The following SPMIP4 variants were observed in gnomAD, a reference collection of about 807,000 sequenced individuals.
SPMIP4 encodes sperm-associated microtubule inner protein 4.
At chr7:25,141,768 C>T in the SPMIP4 span, among the ~76,000 whole-genome samples, 2 of 151,878 alleles carry the variant, frequency 1.3e-5, no homozygotes, top group African/African-American at 2.4e-5. Context: ...GACGTAGTCT[C>T]GCTCTGTCGT....
chr7:25,158,577 T>A, the SPMIP4 span: 1 of 1,473,010 alleles, frequency 6.8e-7, no homozygotes, highest in Non-Finnish European at 9.5e-7. Context: ...TGAGGGCTTT[T>A]AAAGGTTTAT....
chr7:25,175,813 T>C, the SPMIP4 span, among the ~76,000 whole-genome samples: 1 of 152,216 alleles, frequency 6.6e-6, no homozygotes, highest in African/African-American at 2.4e-5. Flanking sequence ...GGCTCAGCAA[T>C]GATAGAACAG....
At chr7:25,173,898 C>A in the SPMIP4 span, among the ~76,000 whole-genome samples, 1 of 152,164 alleles carries the variant, frequency 6.6e-6, no homozygotes, top group Non-Finnish European at 1.5e-5. The surrounding 1 kb of genome is among the most constrained non-coding windows in gnomAD (Gnocchi z 4.4). Context: ...AAAGACAATG[C>A]ATAAATAAGT....
the SPMIP4 span, among the ~76,000 whole-genome samples, chr7:25,162,303 A>T: frequency 9.5e-4 from 144 of 151,388 alleles, 1 homozygote; most frequent in African/African-American, 3.2e-3. Flanking sequence ...AAAAAAATAA[A>T]AAATAAAAAA....
chr7:25,158,394 G>A, the SPMIP4 span: 15 of 501,348 alleles, frequency 3.0e-5, no homozygotes, highest in South Asian at 7.4e-5. Flanking sequence ...AAAAAGAAAC[G>A]TTTTCATGGG....
the SPMIP4 span, among the ~76,000 whole-genome samples, chr7:25,128,669 G>C: frequency 1.3e-5 from 2 of 152,168 alleles, no homozygotes; most frequent in Non-Finnish European, 2.9e-5. This position sits in a 1 kb window ranked among gnomAD's most constrained non-coding sequence, Gnocchi z 4.5. Flanking sequence ...GGGACTCCAG[G>C]AGCCTGCTTG....
At chr7:25,155,005 T>C in the SPMIP4 span, 1 of 1,608,122 alleles carries the variant, frequency 6.2e-7, no homozygotes, top group Non-Finnish European at 8.5e-7. Context: ...CCAGGTCACA[T>C]TTTACCTCTT....
chr7:25,150,075 C>T, the SPMIP4 span, among the ~76,000 whole-genome samples: 1 of 152,094 alleles, frequency 6.6e-6, no homozygotes, highest in Non-Finnish European at 1.5e-5. Context: ...TGTTTGGGAA[C>T]CAGTGGGTGG....
chr7:25,141,972 G>C, the SPMIP4 span, among the ~76,000 whole-genome samples: 91,036 of 152,008 alleles, frequency 0.6, 28,439 homozygotes, highest in Non-Finnish European at 0.69. Context: ...TCCTGACCTC[G>C]TGATCTGTCC....
chr7:25,154,394 CAT>C, the SPMIP4 span, among the ~76,000 whole-genome samples: 1,815 of 152,304 alleles, frequency 0.012, 38 homozygotes, highest in African/African-American at 0.041. Context: ...TGTTTACGCA[CAT>C]GTGTAGGACT....
the SPMIP4 span, among the ~76,000 whole-genome samples, chr7:25,172,343 T>C: frequency 6.6e-6 from 1 of 151,828 alleles, no homozygotes; most frequent in Non-Finnish European, 1.5e-5. The surrounding 1 kb of genome is among the most constrained non-coding windows in gnomAD (Gnocchi z 4.2). Flanking sequence ...AAGAGGGAGA[T>C]GAGAGGAGCC....
At chr7:25,152,771 A>T in the SPMIP4 span, among the ~76,000 whole-genome samples, 2 of 132,676 alleles carry the variant, frequency 1.5e-5, no homozygotes, top group Non-Finnish European at 3.1e-5. Flanking sequence ...TTTGAGACAG[A>T]GTCTCTCTGT....
the SPMIP4 span, chr7:25,125,848 C>G: frequency 1.1e-6 from 1 of 924,260 alleles, no homozygotes; most frequent in Middle Eastern, 5.6e-4. Context: ...TGGGCACCAG[C>G]TCGTGACCTT....
At chr7:25,161,179 C>T in the SPMIP4 span, 2 of 1,499,536 alleles carry the variant, frequency 1.3e-6, no homozygotes, top group South Asian at 1.3e-5. Context: ...GGAAAAAAAC[C>T]CAGACTTACA....
the SPMIP4 span, among the ~76,000 whole-genome samples, chr7:25,172,102 T>C: frequency 2.0e-5 from 3 of 152,216 alleles, no homozygotes; most frequent in East Asian, 3.8e-4. The surrounding 1 kb of genome is among the most constrained non-coding windows in gnomAD (Gnocchi z 4.2). Context: ...TAGAGTTTAA[T>C]AGACTGGAAA....
chr7:25,147,709 T>C, the SPMIP4 span, among the ~76,000 whole-genome samples: 5 of 152,220 alleles, frequency 3.3e-5, no homozygotes, highest in Non-Finnish European at 7.3e-5. Context: ...TTCTTTATGT[T>C]GCTAGGTCAA....
the SPMIP4 span, among the ~76,000 whole-genome samples, chr7:25,141,579 A>C: frequency 1.1e-4 from 3 of 27,922 alleles, no homozygotes; most frequent in African/African-American, 2.1e-4. Flanking sequence ...TCAAGGAAAA[A>C]AAAAAAAAAA....
At chr7:25,169,604 CTT>C in the SPMIP4 span, among the ~76,000 whole-genome samples, 3 of 152,020 alleles carry the variant, frequency 2.0e-5, no homozygotes, top group African/African-American at 7.3e-5. Context: ...GAGTTTCGCT[CTT>C]GTTGCCCAGG....
the SPMIP4 span, among the ~76,000 whole-genome samples, chr7:25,157,613 A>G: frequency 6.6e-6 from 1 of 152,198 alleles, no homozygotes; most frequent in Admixed American, 6.5e-5. Flanking sequence ...TCAAAGCCCA[A>G]TTTGGGGGCA....
Sources: gnomAD v4.1 joint callset for allele counts (sites outside exome capture counted in the v4.1 genomes callset) on GRCh38, gnomAD v4.1.1 for gene constraint, Gnocchi (gnomAD v3.1) non-coding constraint, MANE v1.5 for transcripts, NCBI Gene and HGNC (gene_info 2026-07-23, HGNC 2026-07-21) for gene names.